UGGT1: variants seen among roughly 807,000 people sequenced by gnomAD.
UGGT1 encodes the protein UDP-glucose:glycoprotein glucosyltransferase 1.
Under a neutral mutation model 203.9 loss-of-function variants are expected in UGGT1, and 107 were observed. That is an observed-to-expected ratio of 0.52 (90% CI 0.45 to 0.62). The LOEUF (loss-of-function observed/expected upper bound fraction) is 0.62, where lower values mean the gene tolerates loss of function less well. Ranked by LOEUF, UGGT1 falls within the 20% of genes least tolerant of loss-of-function variation. The pLI is 0.00. For missense variants in UGGT1, 1,673 were observed against 1,867.2 expected (o/e 0.90, Z 1.92); for synonymous variants, 628 against 653.5 (o/e 0.96, Z 0.59).
rs568493717 is a variant in UGGT1, at chr2:128,157,151, T to C, written c.2261-101T>C. On this transcript the variant is annotated intron_variant, in intron 21 of 40. Coordinates refer to ENST00000259253, the MANE Select transcript of UGGT1 (RefSeq NM_020120.4). Reference sequence around the variant, plus strand: ...AGCTTGTCATTTTCTTCTTTTTGCATGGTTCTTACAAATTATTTGGTCAAT... The same window carrying C: ...AGCTTGTCATTTTCTTCTTTTTGCACGGTTCTTACAAATTATTTGGTCAAT... The C allele has an allele frequency of 2.0e-5, 17 of 832,188 alleles. No homozygotes were observed. In the East Asian group the frequency reaches 3.7e-4, roughly 18 times the overall value. 51.6% of individuals were successfully genotyped at this position (832,188 alleles called of 1,614,324 possible). A position where few individuals can be genotyped will look rare whatever the true frequency, so the allele number is the denominator to read the frequency against.
chr2:128,160,411 G>A (rs368439786), intron 23 of UGGT1, 49 bp from the exon 24 acceptor site: 159 of 1,538,554 alleles, frequency 1.0e-4, no homozygotes, highest in Non-Finnish European at 1.3e-4. Flanking sequence ...TTGTTTATAT[G>A]GTTTGCTTAG....
chr2:128,134,043 C>A (rs956240153), intron 14 of UGGT1, among the ~76,000 whole-genome samples: 4 of 151,558 alleles, frequency 2.6e-5, no homozygotes, highest in African/African-American at 9.7e-5. Context: ...TCTTTTCTTC[C>A]CCCCACTCCC....
At chr2:128,150,351 G>A (rs951057498) in intron 18 of UGGT1, among the ~76,000 whole-genome samples, 10 of 152,198 alleles carry the variant, frequency 6.6e-5, no homozygotes, top group East Asian at 1.9e-4. Flanking sequence ...CAGGAGGGTT[G>A]CTTGAGGATT....
intron 20 of UGGT1, 56 bp from the exon 21 acceptor site, chr2:128,156,336 C>G: frequency 7.6e-7 from 1 of 1,308,104 alleles, no homozygotes; most frequent in Non-Finnish European, 1.1e-6. Context: ...TTACAGTAGG[C>G]ATTCATTCCA....
At chr2:128,097,148 G>A (rs969058151) in intron 1 of UGGT1, among the ~76,000 whole-genome samples, 2 of 152,090 alleles carry the variant, frequency 1.3e-5, no homozygotes, top group African/African-American at 2.4e-5. Flanking sequence ...AGGCTGAGGC[G>A]GGCAGATCAC....
chr2:128,174,802 A>G lies in UGGT1; in HGVS notation c.3483A>G (p.Gly1161=). 6.2e-7 allele frequency: 1 copy of G among 1,613,960 alleles called. No homozygotes were observed. The highest frequency in any genetic ancestry group is 1.3e-5 in the African/African-American group (1 of 75,038). The part of the protein sequence containing the change: ...LGYFQLKANP[G]AWILRLRKGR... ...ACTTTCAGCTGAAAGCCAACCCAGGAGCTTGGATCCTCAGACTTAGGAAGG... is the reference window on the plus strand; with the variant it reads ...ACTTTCAGCTGAAAGCCAACCCAGGGGCTTGGATCCTCAGACTTAGGAAGG... The change falls in exon 31 of 41, where the codon GGA becomes GGG. Residue 1161 remains glycine, a synonymous_variant. Coordinates refer to ENST00000259253, the MANE Select transcript of UGGT1 (RefSeq NM_020120.4).
intron 29 of UGGT1, among the ~76,000 whole-genome samples, chr2:128,173,053 C>T (rs1691193631): frequency 6.6e-6 from 1 of 152,162 alleles, no homozygotes; most frequent in Non-Finnish European, 1.5e-5. Context: ...CTTCATTTCC[C>T]CAGCCCCTGG....
chr2:128,164,264 A>G (rs1690670736), intron 25 of UGGT1, among the ~76,000 whole-genome samples: 2 of 152,246 alleles, frequency 1.3e-5, no homozygotes, highest in African/African-American at 4.8e-5. Flanking sequence ...GGCTGCCAGT[A>G]TAATTTGTTT....
chr2:128,113,014 T>C lies in UGGT1; in HGVS notation c.522-70T>C, dbSNP rs1687938830. 3 of 1,341,846 alleles carry C rather than the reference T, an allele frequency of 2.2e-6. No homozygotes were observed. In the Admixed American group the frequency reaches 7.9e-5, roughly 35 times the overall value. The allele number at this position is 1,341,846 out of a possible 1,614,324, so 83.1% of individuals were successfully genotyped here. On this transcript the variant is annotated intron_variant, in intron 5 of 40. Coordinates refer to ENST00000259253, the MANE Select transcript of UGGT1 (RefSeq NM_020120.4). ...TATTTGAATTTTCATAACTGTACTT[T>C]ATATTTTGTGACATTTTTAGTGTTT... is the stretch of plus-strand genomic sequence containing the variant.
At chr2:128,109,096 T>G (rs1271410748) in intron 4 of UGGT1, among the ~76,000 whole-genome samples, 1 of 152,128 alleles carries the variant, frequency 6.6e-6, no homozygotes, top group African/African-American at 2.4e-5. Flanking sequence ...TTCGCCGTGT[T>G]GGCTAGGCTG....
rs151153786 is a variant in UGGT1 at position 128,183,937 on chromosome 2, T to TGTGA, written c.4359+149_4359+150insTGAG. 3,242 of 326,534 alleles carry TGTGA rather than the reference T, an allele frequency of 9.9e-3. 11 individuals are homozygous for TGTGA. Among genetic ancestry groups the TGTGA allele is most frequent in the Non-Finnish European group, 0.013 (2,227 of 173,588 alleles). The allele number at this position is 326,534 out of a possible 1,614,324, so 20.2% of individuals were successfully genotyped here. A position where few individuals can be genotyped will look rare whatever the true frequency, so the allele number is the denominator to read the frequency against. Reference sequence around the variant, plus strand: ...GTGTGTGTGTGTGTGTGTGTGTGTGTGAGAGAGAGAGAGAGAGAGAGAGAT... The same window carrying TGTGA: ...GTGTGTGTGTGTGTGTGTGTGTGTGTGTGAGAGAGAGAGAGAGAGAGAGAGAGAT... On this transcript the variant is annotated intron_variant, in intron 38 of 40. Coordinates refer to ENST00000259253, the MANE Select transcript of UGGT1 (RefSeq NM_020120.4).
intron 8 of UGGT1, among the ~76,000 whole-genome samples, chr2:128,118,041 T>A (rs1345618966): frequency 6.6e-6 from 1 of 151,502 alleles, no homozygotes; most frequent in African/African-American, 2.4e-5. Flanking sequence ...AGTGATCAAA[T>A]AGAAATAGTA....
intron 2 of UGGT1, among the ~76,000 whole-genome samples, chr2:128,101,607 A>G (rs11675230): frequency 0.89 from 135,555 of 152,194 alleles, 61,354 homozygotes; most frequent in Non-Finnish European, 0.98. Context: ...AATTAAATAG[A>G]CATGAATTTA....
At chr2:128,172,517 A>G in intron 28 of UGGT1, 56 bp from the exon 29 acceptor site, 2 of 1,568,636 alleles carry the variant, frequency 1.3e-6, no homozygotes, top group Non-Finnish European at 1.7e-6. Flanking sequence ...AGGGCTGTGC[A>G]CTCAAGTCCT....
In UGGT1 at chr2:128,133,245, A is replaced by G; in HGVS notation, c.1482A>G (p.Lys494=). ...TFPGVIRQIR[K]NLHNMVFIVD... is the part of the protein sequence containing the mutation. ...CTGGTGTTATTCGGCAGATCAGGAA[A>G]AACTTACATAATATGGTAAGTAAAA... The change falls in exon 14 of 41, where the codon AAA becomes AAG. Residue 494 remains lysine, a synonymous_variant. Transcript: ENST00000259253. 1 of 1,613,796 alleles carries G rather than the reference A, an allele frequency of 6.2e-7. No individual in the cohort carries two copies. The highest frequency in any genetic ancestry group is 8.5e-7 in the Non-Finnish European group (1 of 1,179,774).
In UGGT1 at chr2:128,159,559, A is replaced by G; in HGVS notation, c.2401A>G (p.Lys801Glu). The G allele has an allele frequency of 6.2e-7, 1 of 1,614,224 alleles. No individual in the cohort carries two copies. ...VRISMINNPA[K>E]EISYENTQIS... ...AATAAGCATGATCAATAATCCTGCC[A>G]AAGAGATAAGCTATGAGAACACTCA... The change falls in exon 23 of 41, where the codon AAA (lysine) becomes GAA (glutamate). Residue 801 changes from lysine to glutamate, a missense_variant. By Grantham distance (56) the Lys-to-Glu change is moderately conservative. Around this residue, in one of 4 missense-constraint regions of UGGT1, gnomAD observed 1,073 missense variants for 1,078.7 expected, o/e 0.99. Transcript: ENST00000259253.
chr2:128,171,526 G>A (rs1424223340), intron 28 of UGGT1: 3 of 461,906 alleles, frequency 6.5e-6, no homozygotes, highest in African/African-American at 4.1e-5. Context: ...TCTTTTTTTC[G>A]AGATGGAGTC....
chr2:128,184,971 A>G (rs1028695752), intron 38 of UGGT1, among the ~76,000 whole-genome samples: 2 of 151,450 alleles, frequency 1.3e-5, no homozygotes, highest in East Asian at 2.0e-4. Context: ...CACGAGCCAC[A>G]GTGCCCGGCT....
In UGGT1 at chr2:128,155,475, A is replaced by AT. The variant is rs780722718; in HGVS notation, c.2138-8dup. On this transcript the variant is annotated splice_polypyrimidine_tract_variant and intron_variant, in intron 19 of 40. Transcript: ENST00000259253. ...ACTGGAACTAATATATACGTATTTC[A>AT]TTTTTTCTCCCAGATAACTTCTTTG... 4.4e-6 allele frequency: 7 copies of AT among 1,598,146 alleles called. No homozygotes were observed. In the East Asian group the frequency reaches 9.0e-5, roughly 20 times the overall value.
Sources: allele counts gnomAD v4.1 joint callset (sites outside exome capture counted in the v4.1 genomes callset), GRCh38; gene constraint gnomAD v4.1.1; regional missense constraint gnomAD v4.1.1; transcripts MANE v1.5; gene names NCBI Gene and HGNC (gene_info 2026-07-23, HGNC 2026-07-21).